PTPRO: variants seen among roughly 807,000 people sequenced by gnomAD.
PTPRO encodes receptor-type tyrosine-protein phosphatase O.
Under a neutral mutation model 145.2 loss-of-function variants are expected in PTPRO, and 62 were observed. The observed-to-expected ratio is 0.43, with a 90% CI of 0.35 to 0.53. PTPRO has a LOEUF of 0.53. Among genes scored for constraint, PTPRO ranks in the 20% least tolerant of loss-of-function variants. The probability of loss-of-function intolerance (pLI) is 0.01; values close to 1 mark genes in which losing one functional copy is unlikely to be tolerated. For missense variants in PTPRO, 1,345 were observed against 1,482.7 expected, an observed-to-expected ratio of 0.91 and a Z score of 1.53; for synonymous variants, 565 against 514.7, an observed-to-expected ratio of 1.10 and a Z score of -1.32.
At chr12:15,572,679 A>G (rs1340120501) in intron 19 of PTPRO, among the ~76,000 whole-genome samples, 1 of 152,114 alleles carries the variant, frequency 6.6e-6, no homozygotes, top group Non-Finnish European at 1.5e-5. Context: ...TGGAGTTTGT[A>G]CAGAAGTTGT....
At position 15,328,945 on chromosome 12, in the gene PTPRO, AATT is replaced by A. The variant is rs1866529585; in HGVS notation, c.75+6147_75+6149del. 2.0e-5 allele frequency among the ~76,000 whole-genome samples: 3 copies of A among 152,238 alleles called. No homozygotes were observed. In the South Asian group the frequency reaches 6.2e-4, roughly 31 times the overall value. ...TCTACAAGTAGTGGTGCAAGATCAG[AATT>A]ATATTAATAGTAATCTATATGAGAT... On this transcript the variant is annotated intron_variant, in intron 1 of 26. Coordinates refer to ENST00000281171, the MANE Select transcript of PTPRO (RefSeq NM_030667.3).
chr12:15,470,102 G>A (rs925953787), intron 1 of PTPRO, among the ~76,000 whole-genome samples: 2 of 152,078 alleles, frequency 1.3e-5, no homozygotes, highest in Non-Finnish European at 2.9e-5. Flanking sequence ...CACTTTTTGA[G>A]GATTTATCAG....
chr12:15,489,245 A>T (rs771520741), intron 2 of PTPRO, among the ~76,000 whole-genome samples: 23 of 152,122 alleles, frequency 1.5e-4, no homozygotes, highest in Non-Finnish European at 2.9e-4. Flanking sequence ...CACAATCCAG[A>T]CCCCCAAGAG....
intron 1 of PTPRO, among the ~76,000 whole-genome samples, chr12:15,357,671 CA>C (rs1293394880): frequency 6.6e-6 from 1 of 151,380 alleles, no homozygotes; most frequent in African/African-American, 2.4e-5. Context: ...AAATGCAAAT[CA>C]AAACCACAGT....
At chr12:15,474,341 T>C (rs1941608105) in intron 1 of PTPRO, among the ~76,000 whole-genome samples, 1 of 152,118 alleles carries the variant, frequency 6.6e-6, no homozygotes, top group South Asian at 2.1e-4. Context: ...TCCAGTAGCT[T>C]CTCTCCCCGA....
intron 6 of PTPRO, 35 bp from the exon 7 acceptor site, chr12:15,508,536 G>A: frequency 6.3e-7 from 1 of 1,591,708 alleles, no homozygotes; most frequent in Non-Finnish European, 8.6e-7. Flanking sequence ...AGTGTAACGT[G>A]CAGCCTCCCC....
intron 1 of PTPRO, among the ~76,000 whole-genome samples, chr12:15,407,355 C>T (rs540188382): frequency 6.6e-6 from 1 of 152,170 alleles, no homozygotes; most frequent in East Asian, 1.9e-4. Flanking sequence ...CTACCAGGTT[C>T]CCCCCACCCC....
At chr12:15,460,621 A>G (rs550070581) in intron 1 of PTPRO, among the ~76,000 whole-genome samples, 1 of 152,334 alleles carries the variant, frequency 6.6e-6, no homozygotes, top group South Asian at 2.1e-4. Context: ...CCACAGAGCC[A>G]ACCTAGGTAA....
intron 1 of PTPRO, among the ~76,000 whole-genome samples, chr12:15,394,142 A>T (rs942095677): frequency 6.6e-6 from 1 of 152,100 alleles, no homozygotes; most frequent in African/African-American, 2.4e-5. Context: ...ATACTGTTAC[A>T]TTGGAGATTA....
At chr12:15,507,523 G>A (rs994572438) in intron 6 of PTPRO, among the ~76,000 whole-genome samples, 6 of 152,150 alleles carry the variant, frequency 3.9e-5, no homozygotes, top group Admixed American at 6.5e-5. Flanking sequence ...ATGCTGAAAA[G>A]CAGTTTATAT....
chr12:15,457,139 C>T lies in PTPRO; in HGVS notation c.76-26835C>T, dbSNP rs118109074. Among the ~76,000 whole-genome samples the T allele has an allele frequency of 2.3e-3, 355 of 152,266 alleles. 7 individuals are homozygous for T. In the East Asian group the frequency reaches 0.059, roughly 25 times the overall value. On this transcript the variant is annotated intron_variant, in intron 1 of 26. Coordinates refer to ENST00000281171, the MANE Select transcript of PTPRO (RefSeq NM_030667.3). ...ATCAGACTCCAGGTTCTTCAGCCTT[C>T]GGACTCTTGGACTTGCATCAGTGCT...
intron 1 of PTPRO, among the ~76,000 whole-genome samples, chr12:15,445,669 T>C (rs1402209622): frequency 1.3e-5 from 2 of 152,190 alleles, no homozygotes; most frequent in Non-Finnish European, 2.9e-5. Flanking sequence ...TGGATAATCA[T>C]TACTTTTATT....
intron 12 of PTPRO, among the ~76,000 whole-genome samples, chr12:15,545,084 T>A (rs750372164): frequency 7.2e-5 from 11 of 151,974 alleles, no homozygotes; most frequent in Admixed American, 1.3e-4. Context: ...CTGGGCAGAG[T>A]CACAATGATG....
At chr12:15,540,965 A>G (rs1386807106) in intron 12 of PTPRO, among the ~76,000 whole-genome samples, 3 of 152,246 alleles carry the variant, frequency 2.0e-5, no homozygotes, top group African/African-American at 4.8e-5. Context: ...AAGGCCAGCT[A>G]GTTGAGTGGA....
intron 1 of PTPRO, among the ~76,000 whole-genome samples, chr12:15,399,111 A>T (rs1231571318): frequency 1.3e-5 from 2 of 152,200 alleles, no homozygotes; most frequent in African/African-American, 4.8e-5. Flanking sequence ...AATACTAAAT[A>T]CATAGTGTTT....
At chr12:15,416,798 A>G (rs1408371656) in intron 1 of PTPRO, among the ~76,000 whole-genome samples, 2 of 149,622 alleles carry the variant, frequency 1.3e-5, no homozygotes, top group Non-Finnish European at 2.9e-5. Context: ...TCTCTAAGCT[A>G]TAAACAACTA....
chr12:15,395,207 G>T (rs1205464033), intron 1 of PTPRO, among the ~76,000 whole-genome samples: 2 of 152,188 alleles, frequency 1.3e-5, no homozygotes, highest in Non-Finnish European at 2.9e-5. Flanking sequence ...AAGCAGAAGA[G>T]CAGGAGCAGA....
At chr12:15,486,293 C>T (rs12426752) in intron 2 of PTPRO, among the ~76,000 whole-genome samples, 1 of 151,994 alleles carries the variant, frequency 6.6e-6, no homozygotes. Flanking sequence ...TATGTAATGT[C>T]CCTCTATATT....
At chr12:15,331,528 G>A (rs1866609775) in intron 1 of PTPRO, among the ~76,000 whole-genome samples, 1 of 152,150 alleles carries the variant, frequency 6.6e-6, no homozygotes, top group African/African-American at 2.4e-5. Context: ...TAGAATTATT[G>A]TCAGGAATAA....
Sources: gnomAD v4.1 joint callset for allele counts (sites outside exome capture counted in the v4.1 genomes callset) on GRCh38, gnomAD v4.1.1 for gene constraint, MANE v1.5 for transcripts, NCBI Gene and HGNC (gene_info 2026-07-23, HGNC 2026-07-21) for gene names.